The following BCL7C variants were observed in gnomAD, a reference collection of about 807,000 sequenced individuals.
BCL7C encodes B-cell CLL/lymphoma 7 protein family member C.
BCL7C carries 8 observed loss-of-function variants against 26.2 expected under a neutral mutation model. The observed-to-expected ratio is 0.30, with a 90% confidence interval of 0.18 to 0.55. The LOEUF is 0.55. BCL7C is among the 20% of genes least tolerant of loss of function. The probability of loss-of-function intolerance (pLI) is 0.93; values close to 1 mark genes in which losing one functional copy is unlikely to be tolerated. For synonymous variants in BCL7C, 90 were observed against 116.5 expected, an observed-to-expected ratio of 0.77 and a Z score of 1.47; for missense variants, 262 against 298.5, an observed-to-expected ratio of 0.88 and a Z score of 0.90.
chr16:30,888,747 G>T, intron 5 of BCL7C, 113 bp downstream of exon 5: 1 of 952,040 alleles, frequency 1.1e-6, no homozygotes, highest in Non-Finnish European at 1.6e-6. Flanking sequence ...CTTCAGCTCT[G>T]TCCCAGGTCT....
At chr16:30,857,779 T>C (rs1022563075) in intron 5 of BCL7C, among the ~76,000 whole-genome samples, 1 of 152,120 alleles carries the variant, frequency 6.6e-6, no homozygotes, top group African/African-American at 2.4e-5. Flanking sequence ...GAGACCAGCC[T>C]GGCCGACATG....
chr16:30,837,648 G>A (rs1247947398), intron 5 of BCL7C, among the ~76,000 whole-genome samples: 4 of 152,208 alleles, frequency 2.6e-5, no homozygotes, highest in East Asian at 1.9e-4. Flanking sequence ...GAGCCCAGCC[G>A]TGAGGACTTT....
intron 5 of BCL7C, among the ~76,000 whole-genome samples, chr16:30,878,473 A>T (rs1234461913): frequency 6.0e-5 from 9 of 150,956 alleles, no homozygotes; most frequent in Admixed American, 2.0e-4. Flanking sequence ...CAGGAGGCAG[A>T]GGTTGCAATG....
chr16:30,836,761 C>A (rs1033497809), intron 5 of BCL7C, among the ~76,000 whole-genome samples: 1 of 151,710 alleles, frequency 6.6e-6, no homozygotes, highest in Non-Finnish European at 1.5e-5. Flanking sequence ...CAGGTGTGAG[C>A]CACTCGCCTG....
intron 5 of BCL7C, among the ~76,000 whole-genome samples, chr16:30,858,994 T>C (rs550262082): frequency 6.6e-6 from 1 of 152,272 alleles, no homozygotes; most frequent in South Asian, 2.1e-4. Context: ...AGCCAGGAGA[T>C]AGTAGAATAC....
intron 5 of BCL7C, among the ~76,000 whole-genome samples, chr16:30,881,062 G>A (rs1039467207): frequency 5.9e-5 from 9 of 151,970 alleles, no homozygotes; most frequent in Admixed American, 2.0e-4. Context: ...CATCAAAGAC[G>A]GGGGAAAAAA....
intron 5 of BCL7C, chr16:30,876,109 A>T (rs2054945470): frequency 6.6e-6 from 1 of 152,342 alleles, no homozygotes. Context: ...CAAATGCAAG[A>T]GGACAGAAAG....
At position 30,851,777 on chromosome 16, in the gene BCL7C, G is replaced by A. The variant is rs1262104698; in HGVS notation, c.529-16629C>T. The A allele has an allele frequency of 1.4e-5, 6 of 424,198 alleles. No individual in the cohort carries two copies. The East Asian group carries it at 2.5e-4, about 18-fold the overall frequency. 26.3% of individuals were successfully genotyped at this position (424,198 alleles called of 1,614,324 possible). A position where few individuals can be genotyped will look rare whatever the true frequency, so the allele number is the denominator to read the frequency against. On this transcript the variant is annotated intron_variant, in intron 5 of 5. Coordinates refer to the BCL7C transcript ENST00000380317. ...CTTTTTTTGGTGCAAGGTTGGCTTT[G>A]GGAAGTACTTTAGAGCTGCTTCTCA...
intron 5 of BCL7C, among the ~76,000 whole-genome samples, chr16:30,869,325 C>CA (rs2054862040): frequency 1.3e-5 from 2 of 152,000 alleles, no homozygotes; most frequent in Admixed American, 1.3e-4. Context: ...CCTCCCACCT[C>CA]AGCCTCCTGA....
At chr16:30,879,556 G>C (rs112477926) in intron 5 of BCL7C, among the ~76,000 whole-genome samples, 2 of 151,398 alleles carry the variant, frequency 1.3e-5, no homozygotes, top group Non-Finnish European at 2.9e-5. Flanking sequence ...CACCCAATCC[G>C]TTACTTTAAA....
chr16:30,865,390 G>A (rs532010908), intron 5 of BCL7C, among the ~76,000 whole-genome samples: 84 of 151,838 alleles, frequency 5.5e-4, no homozygotes, highest in African/African-American at 1.8e-3. Flanking sequence ...ACCCGGAAGC[G>A]TGTGACAGTC....
At chr16:30,872,851 G>A (rs1044080175) in intron 5 of BCL7C, among the ~76,000 whole-genome samples, 1 of 152,110 alleles carries the variant, frequency 6.6e-6, no homozygotes, top group African/African-American at 2.4e-5. Flanking sequence ...TTTCTTCATC[G>A]GTAAAATCAT....
At chr16:30,889,512 CAG>C (rs201466745) in intron 4 of BCL7C, among the ~76,000 whole-genome samples, 1,596 of 152,182 alleles carry the variant, frequency 0.01, 13 homozygotes, top group Non-Finnish European at 0.018. Flanking sequence ...GTTTTTGAGA[CAG>C]AGTCTCGCTG....
chr16:30,838,703 T>C (rs2054584218), intron 5 of BCL7C, among the ~76,000 whole-genome samples: 2 of 152,190 alleles, frequency 1.3e-5, no homozygotes, highest in Admixed American at 6.5e-5. Context: ...AAGAATTGCT[T>C]GAACCCAGGA....
intron 5 of BCL7C, among the ~76,000 whole-genome samples, chr16:30,879,707 A>AAAAAAAAAAAAAAAAAAG (rs2055012833): frequency 6.8e-6 from 1 of 147,722 alleles, no homozygotes; most frequent in Non-Finnish European, 1.5e-5. Context: ...AAAAAAAAAA[A>AAAAAAAAAAAAAAAAAAG]AACTGGGCAC....
intron 3 of BCL7C, 43 bp from the exon 4 acceptor site, chr16:30,892,790 T>C: frequency 6.2e-7 from 1 of 1,614,034 alleles, no homozygotes; most frequent in African/African-American, 1.3e-5. Flanking sequence ...AGATCCCTAG[T>C]ACACTCCTTC....
At chr16:30,888,639 C>G in intron 5 of BCL7C, 1 of 398,696 alleles carries the variant, frequency 2.5e-6, no homozygotes, top group African/African-American at 2.1e-5. Context: ...CCAGCTTTGT[C>G]AGGCTTTTAA....
chr16:30,888,819 C>T (rs745606036), intron 5 of BCL7C, 41 bp downstream of exon 5: 3 of 1,593,414 alleles, frequency 1.9e-6, no homozygotes, highest in East Asian at 4.5e-5. Context: ...ATCCCCCATT[C>T]CCTCCAAGAC....
chr16:30,846,239 T>TATTTA (rs1567308533), intron 5 of BCL7C, among the ~76,000 whole-genome samples: 10 of 148,736 alleles, frequency 6.7e-5, no homozygotes, highest in South Asian at 6.5e-4. Context: ...TTTATTTATT[T>TATTTA]TTTGGAGATG....
Sources: allele counts gnomAD v4.1 joint callset (sites outside exome capture counted in the v4.1 genomes callset), GRCh38; gene constraint gnomAD v4.1.1; transcripts MANE v1.5; gene names NCBI Gene and HGNC (gene_info 2026-07-23, HGNC 2026-07-21).